EZH2: variants seen among roughly 807,000 people sequenced by gnomAD.
EZH2 encodes histone-lysine N-methyltransferase EZH2.
EZH2 carries 18 observed loss-of-function variants against 98.4 expected under a neutral mutation model. The ratio of observed to expected loss-of-function variants is 0.18; its 90% CI spans 0.13 to 0.27. The LOEUF (loss-of-function observed/expected upper bound fraction) is 0.27. Among genes scored for constraint, EZH2 ranks in the 10% least tolerant of loss-of-function variants. EZH2 has a pLI of 1.00. For synonymous variants in EZH2, 338 were observed against 312.3 expected (o/e 1.08, Z -0.87); for missense variants, 470 against 935.1 (o/e 0.50, Z 6.49).
chr7:148,841,986 A>G (rs529496309), intron 3 of EZH2, among the ~76,000 whole-genome samples: 2 of 152,342 alleles, frequency 1.3e-5, no homozygotes, highest in East Asian at 3.9e-4. Flanking sequence ...AATATTTAAA[A>G]GTCCAAAAGT....
At chr7:148,859,060 A>G (rs1320217854) in intron 1 of EZH2, among the ~76,000 whole-genome samples, 4 of 152,242 alleles carry the variant, frequency 2.6e-5, no homozygotes, top group Non-Finnish European at 5.9e-5. Flanking sequence ...TTGAATAAAG[A>G]AAAGAAGGGT....
chr7:148,816,546 C>G, intron 12 of EZH2, 138 bp downstream of exon 12: 1 of 614,190 alleles, frequency 1.6e-6, no homozygotes, highest in Non-Finnish European at 2.9e-6. Context: ...AAATAAGATT[C>G]CATAGTTCTG....
Position 148,828,833 on chromosome 7 carries a change from G to A in EZH2, c.532C>T (p.Leu178Phe), listed in dbSNP as rs1808496609. ...TCGTCATCATCATTATATTGACCAA[G>A]GGCATTCACCAACTCCACAAAAATT... Reference protein sequence around the residue: ...DEIFVELVNALGQYNDDDDDD... With the variant: ...DEIFVELVNAFGQYNDDDDDD... Residue 178 changes from leucine to phenylalanine, a missense_variant, in exon 6 of 20, where the codon CTT (leucine) becomes TTT (phenylalanine). By Grantham distance (22) the Leu-to-Phe change is conservative. Coordinates refer to ENST00000320356, the MANE Select transcript of EZH2 (RefSeq NM_004456.5). 6.2e-7 allele frequency: 1 copy of A among 1,612,834 alleles called. No individual in the cohort carries two copies. The highest frequency in any genetic ancestry group is 8.5e-7 in the Non-Finnish European group (1 of 1,179,662).
intron 1 of EZH2, among the ~76,000 whole-genome samples, chr7:148,882,282 T>C (rs1298965139): frequency 1.3e-5 from 2 of 152,224 alleles, no homozygotes; most frequent in African/African-American, 2.4e-5. Flanking sequence ...ATCTTTATCA[T>C]ATAGGACAGT....
intron 2 of EZH2, 56 bp from the exon 3 acceptor site, chr7:148,846,654 T>C (rs2129485128): frequency 6.6e-7 from 1 of 1,515,790 alleles, no homozygotes; most frequent in Non-Finnish European, 9.0e-7. Flanking sequence ...TTAGAAAATG[T>C]ATAACACCTG....
At chr7:148,813,821 G>A in intron 15 of EZH2, 138 bp downstream of exon 15, 1 of 871,646 alleles carries the variant, frequency 1.1e-6, no homozygotes, top group Non-Finnish European at 1.7e-6. Context: ...AGAAAATTAT[G>A]AACACTTTCT....
chr7:148,862,936 A>T (rs1817908276), intron 1 of EZH2, among the ~76,000 whole-genome samples: 1 of 147,040 alleles, frequency 6.8e-6, no homozygotes, highest in South Asian at 2.2e-4. Flanking sequence ...TTTTTAAAAA[A>T]AAGCAAGGAA....
intron 10 of EZH2, 71 bp downstream of exon 10, chr7:148,817,806 T>C (rs1342035119): frequency 6.3e-7 from 1 of 1,595,020 alleles, no homozygotes; most frequent in East Asian, 2.2e-5. Flanking sequence ...ATTCAATGCA[T>C]TATACATCCT....
chr7:148,810,501 G>T, intron 16 of EZH2, 87 bp from the exon 17 acceptor site: 1 of 791,478 alleles, frequency 1.3e-6, no homozygotes, highest in Non-Finnish European at 2.1e-6. Flanking sequence ...AGTGAATACT[G>T]GACCTTCTGG....
chr7:148,807,621 A>G lies in EZH2; in HGVS notation c.*25T>C, dbSNP rs1190173361. 4.0e-6 allele frequency: 6 copies of G among 1,488,262 alleles called. No homozygotes were observed. The highest frequency in any genetic ancestry group is 5.3e-6 in the Non-Finnish European group (6 of 1,126,172). 92.2% of individuals were successfully genotyped at this position (1,488,262 alleles called of 1,614,324 possible). A position where few individuals can be genotyped will look rare whatever the true frequency, so the allele number is the denominator to read the frequency against. On this transcript the variant is annotated 3_prime_UTR_variant, in exon 20 of 20. Coordinates refer to ENST00000320356, the MANE Select transcript of EZH2 (RefSeq NM_004456.5). ...CCTGAAGCTAAGGCAGCTGTTTCAG[A>G]GGAGGGGGGAGGAGGTAGCAGATGT...
intron 3 of EZH2, among the ~76,000 whole-genome samples, chr7:148,842,409 A>G (rs1033672225): frequency 6.6e-6 from 1 of 152,224 alleles, no homozygotes; most frequent in African/African-American, 2.4e-5. Context: ...AAAGAGACAC[A>G]ATGAAGAATA....
intron 8 of EZH2, among the ~76,000 whole-genome samples, chr7:148,823,652 CTTTT>C (rs548755331): frequency 7.1e-6 from 1 of 141,670 alleles, no homozygotes; most frequent in African/African-American, 2.6e-5. Flanking sequence ...CATTTTCATA[CTTTT>C]TTTTTTTTTT....
At chr7:148,866,122 C>G (rs1818408485) in intron 1 of EZH2, among the ~76,000 whole-genome samples, 2 of 152,064 alleles carry the variant, frequency 1.3e-5, no homozygotes, top group Non-Finnish European at 2.9e-5. Flanking sequence ...TAAGTCTTTC[C>G]ATGATTTTCC....
intron 3 of EZH2, among the ~76,000 whole-genome samples, chr7:148,841,090 TG>T (rs1430662258): frequency 6.6e-6 from 1 of 152,102 alleles, no homozygotes; most frequent in Non-Finnish European, 1.5e-5. Flanking sequence ...CCTTTTAAAC[TG>T]AAGATATATA....
At chr7:148,871,291 C>T (rs1359457172) in intron 1 of EZH2, among the ~76,000 whole-genome samples, 1 of 149,884 alleles carries the variant, frequency 6.7e-6, no homozygotes, top group Non-Finnish European at 1.5e-5. Flanking sequence ...ACTGAGGTTA[C>T]TCAAAACATT....
chr7:148,868,765 C>G (rs541126725), intron 1 of EZH2, among the ~76,000 whole-genome samples: 1 of 152,036 alleles, frequency 6.6e-6, no homozygotes, highest in Non-Finnish European at 1.5e-5. Flanking sequence ...ATGTCTCTTT[C>G]TAGAGAATAA....
At chr7:148,870,933 A>G (rs1293752335) in intron 1 of EZH2, among the ~76,000 whole-genome samples, 2 of 143,788 alleles carry the variant, frequency 1.4e-5, no homozygotes, top group African/African-American at 5.1e-5. Context: ...TGTCTCAAAG[A>G]AAAAAAAAAA....
rs376948725 is a variant in EZH2, at chr7:148,880,061, A to G, written c.-8+4103T>C. On this transcript the variant is annotated intron_variant, in intron 1 of 19. Transcript: ENST00000320356. ...GAGTTTAAGGATGCAGTGAGCTATG[A>G]TCTTGTTCTGTCTTGCTATTGTTAA... is the stretch of plus-strand genomic sequence containing the variant. Among the ~76,000 whole-genome samples, 6 of 152,364 alleles carry G rather than the reference A, an allele frequency of 3.9e-5. No individual in the cohort carries two copies. The East Asian group carries it at 1.2e-3, about 29-fold the overall frequency.
At chr7:148,834,364 C>CATATATATATATATACATATATATATAT (rs1563260319) in intron 3 of EZH2, among the ~76,000 whole-genome samples, 1 of 149,136 alleles carries the variant, frequency 6.7e-6, no homozygotes, top group African/African-American at 2.5e-5. Context: ...CACACACACA[C>CATATATATATATATACATATATATATAT]ACACACACAC....
Sources: gnomAD v4.1 joint callset for allele counts (sites outside exome capture counted in the v4.1 genomes callset) on GRCh38, gnomAD v4.1.1 for gene constraint, MANE v1.5 for transcripts, NCBI Gene and HGNC (gene_info 2026-07-23, HGNC 2026-07-21) for gene names.